SMARCA5: variants seen among roughly 807,000 people sequenced by gnomAD.
SMARCA5 encodes the protein SNF2 related chromatin remodeling ATPase 5.
SMARCA5 carries 18 observed loss-of-function variants against 140.4 expected under a neutral mutation model. The ratio of observed to expected loss-of-function variants is 0.13; its 90% CI spans 0.09 to 0.19. The LOEUF (loss-of-function observed/expected upper bound fraction) is 0.19, where lower values mean the gene tolerates loss of function less well. Among genes scored for constraint, SMARCA5 ranks in the 10% least tolerant of loss-of-function variants. The pLI is 1.00. For synonymous variants in SMARCA5, 449 were observed against 419.6 expected, an observed-to-expected ratio of 1.07 and a Z score of -0.86; for missense variants, 606 against 1,276.8, an observed-to-expected ratio of 0.47 and a Z score of 8.01.
At chr4:143,526,241 T>G (rs1353923908) in intron 5 of SMARCA5, 40 bp from the exon 6 acceptor site, 1 of 1,520,458 alleles carries the variant, frequency 6.6e-7, no homozygotes, top group Non-Finnish European at 9.1e-7. Flanking sequence ...AATAATATTT[T>G]CATTTTTCAC....
rs371569976 is a variant in SMARCA5, at chr4:143,528,789, C to T, written c.1089+75C>T. 5.8e-6 allele frequency: 8 copies of T among 1,386,310 alleles called. No homozygotes were observed. In the Admixed American group the frequency reaches 6.7e-5, roughly 12 times the overall value. The allele number at this position is 1,386,310 out of a possible 1,614,324, so 85.9% of individuals were successfully genotyped here. A position where few individuals can be genotyped will look rare whatever the true frequency, so the allele number is the denominator to read the frequency against. ...CTATATATTTTTGTAATAAAAGTGG[C>T]CTGCCTTTTAGCATGGCTTGAGGTT... On this transcript the variant is annotated intron_variant, in intron 8 of 23. Coordinates refer to ENST00000283131, the MANE Select transcript of SMARCA5 (RefSeq NM_003601.4).
At chr4:143,549,540 C>T (rs915336003) in intron 22 of SMARCA5, among the ~76,000 whole-genome samples, 1 of 152,070 alleles carries the variant, frequency 6.6e-6, no homozygotes, top group South Asian at 2.1e-4. Flanking sequence ...GGGAAAGGTG[C>T]CATGTGATTG....
chr4:143,549,168 CTG>C lies in SMARCA5; in HGVS notation c.2986-825_2986-824del, dbSNP rs570416658. On this transcript the variant is annotated intron_variant, in intron 22 of 23. Transcript: ENST00000283131. ...ACTAGTACAGTACCGTAATTTAAAA[CTG>C]TGTTACTTCTTAACATGTTCCATGT... is the stretch of plus-strand genomic sequence containing the variant. Among the ~76,000 whole-genome samples, 18 of 152,118 alleles carry C rather than the reference CTG, an allele frequency of 1.2e-4. No individual in the cohort carries two copies. In the East Asian group the frequency reaches 3.3e-3, roughly 28 times the overall value.
At chr4:143,546,705 A>G in intron 19 of SMARCA5, 71 bp from the exon 20 acceptor site, 1 of 1,425,514 alleles carries the variant, frequency 7.0e-7, no homozygotes. Context: ...AATATTTAGA[A>G]GGTTTGCTAA....
chr4:143,549,971 G>C, intron 22 of SMARCA5, 26 bp from the exon 23 acceptor site: 1 of 1,263,150 alleles, frequency 7.9e-7, no homozygotes, highest in East Asian at 2.3e-5. Flanking sequence ...TGGAAAGTGC[G>C]TGTACCATGT....
chr4:143,528,517 C>G (rs1428063145), intron 7 of SMARCA5, 66 bp from the exon 8 acceptor site: 1 of 1,429,640 alleles, frequency 7.0e-7, no homozygotes, highest in South Asian at 1.3e-5. Flanking sequence ...GGTTCCAGGT[C>G]TTTGCTGTTG....
chr4:143,550,539 C>G (rs1015995091), intron 23 of SMARCA5, among the ~76,000 whole-genome samples: 1 of 151,848 alleles, frequency 6.6e-6, no homozygotes, highest in African/African-American at 2.4e-5. Context: ...GGGTCTTAGT[C>G]TCTCTTTGTA....
intron 8 of SMARCA5, among the ~76,000 whole-genome samples, chr4:143,529,015 G>A (rs6537157): frequency 1 from 151,596 of 152,250 alleles, 75,477 homozygotes; most frequent in Middle Eastern, 1. Flanking sequence ...GCTCACTGCA[G>A]CCTCCACCTC....
At position 143,528,622 on chromosome 4, in the gene SMARCA5, C is replaced by G; in HGVS notation, c.997C>G (p.Leu333Val). 6.2e-7 allele frequency: 1 copy of G among 1,612,596 alleles called. No homozygotes were observed. The highest frequency in any genetic ancestry group is 8.5e-7 in the Non-Finnish European group (1 of 1,178,894). The change falls in exon 8 of 24, where the codon CTA (leucine) becomes GTA (valine). Residue 333 changes from leucine (L) to valine (V), a missense_variant. Coordinates refer to ENST00000283131, the MANE Select transcript of SMARCA5 (RefSeq NM_003601.4). ...GAGGGAATTCAAGACTACAAATAGA[C>G]TATTATTAACTGGAACACCTCTTCA... is the stretch of plus-strand genomic sequence containing the variant. ...IVREFKTTNR[L>V]LLTGTPLQNN...
In SMARCA5 at chr4:143,552,375, CCTTT is replaced by C. The variant is rs1438571904; in HGVS notation, c.3094-733_3094-730del. Reference sequence around the variant, plus strand: ...ACTTCTTTGTTTCCGATTTAGATGTCCTTTCTTTCTTTCTCTCGTCTGATTGCTG... The same window carrying C: ...ACTTCTTTGTTTCCGATTTAGATGTCCTTTCTTTCTCTCGTCTGATTGCTG... On this transcript the variant is annotated intron_variant, in intron 23 of 23. Transcript: ENST00000283131. Among the ~76,000 whole-genome samples the C allele has an allele frequency of 9.1e-4, 139 of 152,172 alleles. 1 individual carries two copies. The highest frequency in any genetic ancestry group is 1.9e-3 in the East Asian group (10 of 5,190).
intron 4 of SMARCA5, among the ~76,000 whole-genome samples, chr4:143,524,865 A>G (rs1737035164): frequency 6.6e-6 from 1 of 152,148 alleles, no homozygotes; most frequent in Non-Finnish European, 1.5e-5. Context: ...TTTTATCCTC[A>G]AGTGTTTTTC....
At chr4:143,521,216 C>T (rs1736950979) in intron 2 of SMARCA5, among the ~76,000 whole-genome samples, 1 of 152,100 alleles carries the variant, frequency 6.6e-6, no homozygotes, top group Non-Finnish European at 1.5e-5. Flanking sequence ...CACTAGTTAG[C>T]ATTTCATTTA....
chr4:143,549,609 G>T (rs1338142565), intron 22 of SMARCA5, among the ~76,000 whole-genome samples: 1 of 152,074 alleles, frequency 6.6e-6, no homozygotes, highest in Non-Finnish European at 1.5e-5. Context: ...ACCTGTTAAA[G>T]TTCTTGTTGT....
chr4:143,525,182 C>A (rs1737043033), intron 4 of SMARCA5, among the ~76,000 whole-genome samples: 1 of 151,994 alleles, frequency 6.6e-6, no homozygotes, highest in Non-Finnish European at 1.5e-5. Flanking sequence ...GTCTCTCAGA[C>A]CAGTATATGG....
intron 1 of SMARCA5, among the ~76,000 whole-genome samples, chr4:143,517,042 A>G (rs993887578): frequency 6.6e-6 from 1 of 152,228 alleles, no homozygotes; most frequent in Admixed American, 6.5e-5. Context: ...TTTCATGGTT[A>G]TTACAGAAAA....
At chr4:143,519,584 A>C (rs1365972681) in intron 2 of SMARCA5, among the ~76,000 whole-genome samples, 1 of 151,942 alleles carries the variant, frequency 6.6e-6, no homozygotes, top group Non-Finnish European at 1.5e-5. Flanking sequence ...TCAGTCTCCC[A>C]GCATTATTTC....
chr4:143,529,947 A>C (rs1471052062), intron 8 of SMARCA5, among the ~76,000 whole-genome samples: 1 of 152,192 alleles, frequency 6.6e-6, no homozygotes, highest in Non-Finnish European at 1.5e-5. Context: ...AACAAAGCAC[A>C]TATATAATAC....
At chr4:143,539,053 A>C (rs1045691790) in intron 13 of SMARCA5, 115 bp downstream of exon 13, 3 of 895,490 alleles carry the variant, frequency 3.4e-6, no homozygotes, top group Non-Finnish European at 5.2e-6. Context: ...TCTCTAATCT[A>C]ATGGTTCAGT....
chr4:143,527,127 G>A (rs753970385), intron 6 of SMARCA5, among the ~76,000 whole-genome samples: 20 of 152,166 alleles, frequency 1.3e-4, no homozygotes, highest in Non-Finnish European at 1.9e-4. Flanking sequence ...ATAGTAATTT[G>A]GTGATTTATT....
Sources: allele counts gnomAD v4.1 joint callset (sites outside exome capture counted in the v4.1 genomes callset), GRCh38; gene constraint gnomAD v4.1.1; transcripts MANE v1.5; gene names NCBI Gene and HGNC (gene_info 2026-07-23, HGNC 2026-07-21).